Variants in SETD7 observed in about 807,000 individuals in gnomAD.
SETD7 encodes histone-lysine N-methyltransferase SETD7.
In SETD7, 16 loss-of-function variants were observed where a neutral mutation model predicts 41.8. The ratio of observed to expected loss-of-function variants is 0.38; its 90% CI spans 0.26 to 0.58. SETD7 has a LOEUF of 0.58. Among genes scored for constraint, SETD7 ranks in the 20% least tolerant of loss-of-function variants. The pLI, the probability that SETD7 is intolerant of heterozygous loss-of-function variation, is 0.64. For missense variants in SETD7, 346 were observed against 459.7 expected (o/e 0.75, Z 2.26); for synonymous variants, 163 against 169.7 (o/e 0.96, Z 0.31).
intron 1 of SETD7, among the ~76,000 whole-genome samples, chr4:139,553,656 A>G (rs1293143609): frequency 6.6e-6 from 1 of 152,150 alleles, no homozygotes; most frequent in African/African-American, 2.4e-5. Flanking sequence ...ACCTCATAAG[A>G]CTGAATAAGA....
chr4:139,527,139 C>A (rs1045771850), intron 4 of SETD7, among the ~76,000 whole-genome samples: 4 of 152,198 alleles, frequency 2.6e-5, no homozygotes, highest in Non-Finnish European at 4.4e-5. Context: ...CAGCCTATTG[C>A]CCCTAGGCTC....
downstream of SETD7, among the ~76,000 whole-genome samples, chr4:139,504,382 ATCTG>A (rs1240650425): frequency 2.6e-5 from 4 of 152,270 alleles, no homozygotes; most frequent in Admixed American, 2.6e-4. Flanking sequence ...CTATCTGTCT[ATCTG>A]TCTATCTATC....
downstream of SETD7, among the ~76,000 whole-genome samples, chr4:139,504,964 A>G (rs796109634): frequency 2.3e-4 from 35 of 152,288 alleles, no homozygotes; most frequent in African/African-American, 7.7e-4. Context: ...CATGCGTGTT[A>G]GAGGGTGAAG....
rs1288466521 is a variant in SETD7, at chr4:139,546,916, C to T, written c.170+4G>A. On this transcript the variant is annotated splice_donor_region_variant and intron_variant, in intron 2 of 7. Coordinates refer to ENST00000274031, the MANE Select transcript of SETD7 (RefSeq NM_030648.4). ...AAAGAACAAAATAAAACTGTGAGTG[C>T]TACCTGCCATCAAAGAAGAAGAACT... is the stretch of plus-strand genomic sequence containing the variant. The T allele has an allele frequency of 6.2e-7, 1 of 1,614,200 alleles. No individual in the cohort carries two copies. Among genetic ancestry groups the T allele is most frequent in the Admixed American group, 1.7e-5 (1 of 60,024 alleles).
At chr4:139,545,468 A>G (rs1247370206) in intron 2 of SETD7, among the ~76,000 whole-genome samples, 1 of 152,242 alleles carries the variant, frequency 6.6e-6, no homozygotes, top group Admixed American at 6.5e-5. Flanking sequence ...GCACTCAAGT[A>G]TCCACCCAAA....
At chr4:139,542,476 GT>G (rs1727806503) in intron 2 of SETD7, among the ~76,000 whole-genome samples, 1 of 152,042 alleles carries the variant, frequency 6.6e-6, no homozygotes, top group Non-Finnish European at 1.5e-5. Flanking sequence ...ATTACACAAT[GT>G]GTTTATGTAT....
chr4:139,551,015 G>A (rs1478170147), intron 1 of SETD7, among the ~76,000 whole-genome samples: 1 of 152,150 alleles, frequency 6.6e-6, no homozygotes, highest in Non-Finnish European at 1.5e-5. Context: ...CCTTGGTGAT[G>A]GTAAGAAGGT....
chr4:139,540,967 T>A (rs1727762747), intron 2 of SETD7, among the ~76,000 whole-genome samples: 1 of 152,190 alleles, frequency 6.6e-6, no homozygotes. Context: ...TCTCAGTGGC[T>A]CATCAGACGG....
At chr4:139,520,193 A>G in intron 6 of SETD7, 84 bp downstream of exon 6, 2 of 580,630 alleles carry the variant, frequency 3.4e-6, no homozygotes, top group Admixed American at 6.1e-5. Context: ...TTAACTTTCT[A>G]GTGAGTACTA....
intron 2 of SETD7, among the ~76,000 whole-genome samples, chr4:139,540,482 G>A (rs1449643951): frequency 6.6e-6 from 1 of 152,196 alleles, no homozygotes; most frequent in Admixed American, 6.5e-5. Context: ...AAGAGGGTTG[G>A]TTCTAGAATT....
chr4:139,496,428 T>A (rs1726456279), exon 8 of SETD7: 2 of 702,546 alleles, frequency 2.8e-6, no homozygotes, highest in Non-Finnish European at 5.2e-6. Context: ...CTTTTCTGTG[T>A]TCTACCCAGG....
chr4:139,499,898 G>T (rs1053323250), intron 7 of SETD7, among the ~76,000 whole-genome samples: 5 of 152,196 alleles, frequency 3.3e-5, no homozygotes, highest in African/African-American at 4.8e-5. Context: ...AGGCCAGGAA[G>T]AATCTAGACA....
At position 139,531,842 on chromosome 4, in the gene SETD7, G is replaced by A. The variant is rs145009113; in HGVS notation, c.372+1323C>T. 1.1e-3 allele frequency among the ~76,000 whole-genome samples: 165 copies of A among 152,298 alleles called. 1 individual carries two copies. The East Asian group carries it at 0.031, about 28-fold the overall frequency. On this transcript the variant is annotated intron_variant, in intron 3 of 7. Coordinates refer to ENST00000274031, the MANE Select transcript of SETD7 (RefSeq NM_030648.4). The stretch of plus-strand genomic sequence containing the variant: ...GTGGTGGCTCGCACCTGTAATCCCA[G>A]CACTTTGGGAGGCCGAGGCAAGGAA...
chr4:139,500,246 G>A (rs936304629), intron 7 of SETD7, among the ~76,000 whole-genome samples: 1 of 151,950 alleles, frequency 6.6e-6, no homozygotes, highest in South Asian at 2.1e-4. Flanking sequence ...TATGATGCAC[G>A]CCAGTTCAAC....
chr4:139,543,643 G>C (rs896516436), intron 2 of SETD7, among the ~76,000 whole-genome samples: 3 of 152,062 alleles, frequency 2.0e-5, no homozygotes, highest in Non-Finnish European at 4.4e-5. Context: ...ACTGGTGTTT[G>C]AGTGGTAGAT....
chr4:139,533,385 CA>C lies in SETD7; in HGVS notation c.171-20del. 1 of 1,598,760 alleles carries C rather than the reference CA, an allele frequency of 6.3e-7. No homozygotes were observed. Among genetic ancestry groups the C allele is most frequent in the Non-Finnish European group, 8.5e-7 (1 of 1,170,982 alleles). Reference sequence around the variant, plus strand: ...CAGGGTGCTGTGAGGAAAGGAAAAACAAAAAGGAATAGTCAGACCATGACTT... The same window carrying C: ...CAGGGTGCTGTGAGGAAAGGAAAAACAAAAGGAATAGTCAGACCATGACTT... On this transcript the variant is annotated intron_variant, in intron 2 of 7. Coordinates refer to ENST00000274031, the MANE Select transcript of SETD7 (RefSeq NM_030648.4).
intron 5 of SETD7, among the ~76,000 whole-genome samples, chr4:139,522,649 G>C (rs887259532): frequency 6.6e-6 from 1 of 150,910 alleles, no homozygotes; most frequent in Non-Finnish European, 1.5e-5. Flanking sequence ...AGCATGAAAT[G>C]TTCCCCTAGA....
chr4:139,527,724 T>G (rs1178540077), intron 4 of SETD7, among the ~76,000 whole-genome samples: 1 of 152,220 alleles, frequency 6.6e-6, no homozygotes, highest in Non-Finnish European at 1.5e-5. Context: ...TTGTCAAAAT[T>G]AAGAAACCAA....
At chr4:139,547,621 T>C (rs1314786237) in intron 1 of SETD7, among the ~76,000 whole-genome samples, 1 of 152,238 alleles carries the variant, frequency 6.6e-6, no homozygotes, top group African/African-American at 2.4e-5. Context: ...ATTGTTATAT[T>C]CACACAAGGA....
Sources: allele counts gnomAD v4.1 joint callset (sites outside exome capture counted in the v4.1 genomes callset), GRCh38; gene constraint gnomAD v4.1.1; transcripts MANE v1.5; gene names NCBI Gene and HGNC (gene_info 2026-07-23, HGNC 2026-07-21).